The following IFT88 variants were observed in gnomAD, a reference collection of about 807,000 sequenced individuals.
IFT88 encodes intraflagellar transport 88, also known as intraflagellar transport protein 88 homolog.
In IFT88, 74 loss-of-function variants were observed where a neutral mutation model predicts 119.5. The observed-to-expected ratio is 0.62, with a 90% CI of 0.51 to 0.75. The LOEUF (loss-of-function observed/expected upper bound fraction) is 0.75. Among genes scored for constraint, IFT88 ranks in the 30% least tolerant of loss-of-function variants. The probability of loss-of-function intolerance (pLI) is 0.00; values close to 1 mark genes in which losing one functional copy is unlikely to be tolerated. For missense variants in IFT88, 961 were observed against 977.7 expected (o/e 0.98, Z 0.23); for synonymous variants, 279 against 316.7 (o/e 0.88, Z 1.26).
At chr13:20,607,553 C>T (rs1173903960) in intron 13 of IFT88, 4 of 718,760 alleles carry the variant, frequency 5.6e-6, no homozygotes, top group African/African-American at 5.2e-5. Context: ...AGAACATTTT[C>T]TCCAAAAAGA....
intron 24 of IFT88, among the ~76,000 whole-genome samples, chr13:20,674,139 C>G (rs185940136): frequency 3.9e-5 from 6 of 152,280 alleles, no homozygotes; most frequent in Admixed American, 3.9e-4. Context: ...CAGTTCTCAG[C>G]ACAGGCCACA....
At chr13:20,654,618 A>C (rs146157174) in intron 21 of IFT88, among the ~76,000 whole-genome samples, 7 of 152,322 alleles carry the variant, frequency 4.6e-5, no homozygotes, top group Non-Finnish European at 7.4e-5. Context: ...AAGTGTTGGC[A>C]GTTTGTTCTC....
chr13:20,667,954 A>G (rs2055025464), intron 23 of IFT88, among the ~76,000 whole-genome samples: 1 of 152,200 alleles, frequency 6.6e-6, no homozygotes, highest in Admixed American at 6.5e-5. Context: ...TCACACAGCT[A>G]AAACTACCCT....
intron 16 of IFT88, among the ~76,000 whole-genome samples, chr13:20,633,778 G>A (rs999865331): frequency 7.2e-5 from 11 of 152,188 alleles, no homozygotes; most frequent in Non-Finnish European, 1.6e-4. Context: ...CAAGTGATGA[G>A]TCTGCTATGT....
In IFT88 at chr13:20,638,446, G is replaced by A. The variant is rs1208938371; in HGVS notation, c.1501G>A (p.Glu501Lys). ...TACAGTTTTTGCAAATGGTGATTAT[G>A]AGAAGGCCGCTGAATTCTATAAAGA... is the stretch of plus-strand genomic sequence containing the variant. Reference protein sequence around the residue: ...GNTVFANGDYEKAAEFYKEAL... With the variant: ...GNTVFANGDYKKAAEFYKEAL... Residue 501 changes from glutamate (E) to lysine (K), a missense_variant, in exon 17 of 26, where the codon GAG becomes AAG. By Grantham distance (56) the Glu-to-Lys change is moderately conservative. Coordinates refer to ENST00000351808, the MANE Select transcript of IFT88 (RefSeq NM_006531.5). 2 of 1,534,884 alleles carry A rather than the reference G, an allele frequency of 1.3e-6. No individual in the cohort carries two copies. Among genetic ancestry groups the A allele is most frequent in the African/African-American group, 1.4e-5 (1 of 71,022 alleles).
intron 13 of IFT88, among the ~76,000 whole-genome samples, chr13:20,609,024 GTT>G (rs1449093812): frequency 6.6e-6 from 1 of 152,138 alleles, no homozygotes; most frequent in African/African-American, 2.4e-5. Flanking sequence ...GACTTGGTAG[GTT>G]GTTTGGTAGG....
At chr13:20,655,020 T>C (rs1479611098) in intron 21 of IFT88, among the ~76,000 whole-genome samples, 1 of 152,206 alleles carries the variant, frequency 6.6e-6, no homozygotes, top group Non-Finnish European at 1.5e-5. Context: ...TTATAACTCA[T>C]TTGCTAAGAT....
intron 16 of IFT88, among the ~76,000 whole-genome samples, chr13:20,634,715 G>A (rs561572334): frequency 1.5e-4 from 22 of 148,520 alleles, no homozygotes; most frequent in African/African-American, 4.3e-4. Flanking sequence ...GCGACAGAAC[G>A]AGACTCCATC....
chr13:20,646,227 C>T (rs1467622086), intron 20 of IFT88, among the ~76,000 whole-genome samples: 1 of 152,060 alleles, frequency 6.6e-6, no homozygotes, highest in Admixed American at 6.6e-5. Context: ...TGATCTTTAC[C>T]CTCTCTGTAG....
At chr13:20,674,860 C>T (rs1433841185) in intron 24 of IFT88, among the ~76,000 whole-genome samples, 1 of 150,446 alleles carries the variant, frequency 6.6e-6, no homozygotes, top group Non-Finnish European at 1.5e-5. Flanking sequence ...ACTACAGGCA[C>T]CCACCACCAC....
At position 20,670,996 on chromosome 13, in the gene IFT88, C is replaced by T. The variant is rs2055752958; in HGVS notation, c.2199C>T (p.Gly733=). 4 of 1,613,818 alleles carry T rather than the reference C, an allele frequency of 2.5e-6. No homozygotes were observed. The highest frequency in any genetic ancestry group is 2.5e-6 in the Non-Finnish European group (3 of 1,179,836). The part of the protein sequence containing the change: ...REQRIKSGRD[G]SGGSRGKREG... ...AGCGCATAAAGTCAGGCAGAGATGG[C>T]AGTGGGGGCTCCCGTGGCAAAAGAG... The change falls in exon 24 of 26, where the codon GGC becomes GGT. Residue 733 remains glycine, a synonymous_variant. Coordinates refer to ENST00000351808, the MANE Select transcript of IFT88 (RefSeq NM_006531.5).
At chr13:20,651,553 A>G (rs371253320) in intron 20 of IFT88, among the ~76,000 whole-genome samples, 2 of 151,576 alleles carry the variant, frequency 1.3e-5, no homozygotes, top group East Asian at 3.9e-4. Context: ...AACAATGAAT[A>G]AACAAAACAT....
chr13:20,571,217 A>C (rs2036300138), intron 1 of IFT88, among the ~76,000 whole-genome samples: 1 of 152,068 alleles, frequency 6.6e-6, no homozygotes, highest in Non-Finnish European at 1.5e-5. Flanking sequence ...GATGGTCTCG[A>C]TCTCCTGACC....
chr13:20,615,187 T>C (rs17054479), intron 13 of IFT88, among the ~76,000 whole-genome samples: 2,986 of 152,170 alleles, frequency 0.02, 111 homozygotes, highest in African/African-American at 0.067. Context: ...ACATTTTGAG[T>C]CCATTTTAAA....
At chr13:20,633,410 AG>A (rs1471881398) in intron 16 of IFT88, among the ~76,000 whole-genome samples, 1 of 152,172 alleles carries the variant, frequency 6.6e-6, no homozygotes, top group Non-Finnish European at 1.5e-5. Context: ...ACCTCTAGGA[AG>A]GGGGACAAGG....
At chr13:20,618,859 C>T (rs377579332) in intron 14 of IFT88, among the ~76,000 whole-genome samples, 19 of 62,768 alleles carry the variant, frequency 3.0e-4, no homozygotes, top group East Asian at 2.0e-3. Flanking sequence ...ATTTTTTTTT[C>T]CCTTTTTTTT....
intron 13 of IFT88, among the ~76,000 whole-genome samples, chr13:20,606,626 C>G (rs909909769): frequency 6.6e-6 from 1 of 152,194 alleles, no homozygotes; most frequent in African/African-American, 2.4e-5. Context: ...CGCCTGTAGT[C>G]CCAGCACTTT....
chr13:20,674,675 C>T (rs986599333), intron 24 of IFT88, among the ~76,000 whole-genome samples: 2 of 140,048 alleles, frequency 1.4e-5, no homozygotes, highest in Non-Finnish European at 3.1e-5. Context: ...ACATTGTAAA[C>T]ATATTTTATT....
chr13:20,597,665 A>AC (rs1221827254), intron 9 of IFT88, among the ~76,000 whole-genome samples: 1 of 151,372 alleles, frequency 6.6e-6, no homozygotes, highest in Admixed American at 6.6e-5. Flanking sequence ...AATGGCGTGA[A>AC]CCCGGGAGGC....
Sources: gnomAD v4.1 joint callset for allele counts (sites outside exome capture counted in the v4.1 genomes callset) on GRCh38, gnomAD v4.1.1 for gene constraint, MANE v1.5 for transcripts, NCBI Gene and HGNC (gene_info 2026-07-23, HGNC 2026-07-21) for gene names.